Variants in CTIF observed in about 807,000 individuals in gnomAD.
CTIF encodes the protein cap binding complex dependent translation initiation factor.
Under a neutral mutation model 66.0 loss-of-function variants are expected in CTIF, and 21 were observed. The ratio of observed to expected loss-of-function variants is 0.32; its 90% confidence interval spans 0.23 to 0.46. The LOEUF (loss-of-function observed/expected upper bound fraction) is 0.46, where lower values mean the gene tolerates loss of function less well. Ranked by LOEUF, CTIF falls within the 20% of genes least tolerant of loss-of-function variation. CTIF has a pLI of 1.00. For missense variants in CTIF, 739 were observed against 812.7 expected, an observed-to-expected ratio of 0.91 and a Z score of 1.10; for synonymous variants, 345 against 326.4, an observed-to-expected ratio of 1.06 and a Z score of -0.62.
chr18:48,703,741 G>T (rs1397371829), intron 6 of CTIF, among the ~76,000 whole-genome samples: 1 of 152,172 alleles, frequency 6.6e-6, no homozygotes, highest in African/African-American at 2.4e-5. Context: ...TGGGGCAGGG[G>T]CAGCAGCCCG....
At chr18:48,795,904 C>G (rs554858060) in intron 9 of CTIF, among the ~76,000 whole-genome samples, 2 of 152,216 alleles carry the variant, frequency 1.3e-5, no homozygotes, top group East Asian at 1.9e-4. Context: ...ACCCACAGCT[C>G]TCAGCCAGGT....
chr18:48,749,663 T>A (rs111592322), intron 7 of CTIF, among the ~76,000 whole-genome samples: 1 of 152,282 alleles, frequency 6.6e-6, no homozygotes, highest in African/African-American at 2.4e-5. Context: ...AAGAACCCTA[T>A]GAGATGGGTG....
At chr18:48,773,126 C>T (rs1910333729) in intron 9 of CTIF, among the ~76,000 whole-genome samples, 1 of 152,100 alleles carries the variant, frequency 6.6e-6, no homozygotes, top group Admixed American at 6.5e-5. Context: ...TGTAGAGTTC[C>T]AGGATCAATT....
chr18:48,727,252 T>G (rs539373155), intron 7 of CTIF, among the ~76,000 whole-genome samples: 5 of 152,190 alleles, frequency 3.3e-5, no homozygotes, highest in Non-Finnish European at 7.3e-5. Context: ...GTTTCTTGAT[T>G]AGAACTCAGT....
chr18:48,730,998 GGAGAA>G (rs1159610495), intron 7 of CTIF, among the ~76,000 whole-genome samples: 10 of 152,130 alleles, frequency 6.6e-5, no homozygotes, highest in Non-Finnish European at 1.3e-4. Context: ...GGCAGTTGGG[GGAGAA>G]GAGAAAAGTG....
At chr18:48,710,988 G>A (rs902999490) in intron 6 of CTIF, among the ~76,000 whole-genome samples, 1 of 152,110 alleles carries the variant, frequency 6.6e-6, no homozygotes, top group African/African-American at 2.4e-5. Flanking sequence ...TAATAATAAT[G>A]ATGATAGTAA....
chr18:48,819,313 C>T (rs755065910), intron 10 of CTIF, among the ~76,000 whole-genome samples: 7 of 152,256 alleles, frequency 4.6e-5, no homozygotes, highest in Admixed American at 1.3e-4. Flanking sequence ...TAGGAGCGGG[C>T]CTGCGTGGCC....
intron 1 of CTIF, among the ~76,000 whole-genome samples, chr18:48,619,253 A>G (rs990582428): frequency 2.6e-5 from 4 of 152,210 alleles, no homozygotes; most frequent in Admixed American, 2.0e-4. Flanking sequence ...ATTAAGGCCT[A>G]GGTAGACACT....
chr18:48,668,183 T>G (rs2091466649), intron 5 of CTIF, among the ~76,000 whole-genome samples: 1 of 152,214 alleles, frequency 6.6e-6, no homozygotes, highest in Non-Finnish European at 1.5e-5. Flanking sequence ...CCAGGGGCGC[T>G]GAGGCGAGAA....
intron 2 of CTIF, among the ~76,000 whole-genome samples, chr18:48,625,617 A>G (rs1275804053): frequency 6.6e-6 from 1 of 152,214 alleles, no homozygotes; most frequent in African/African-American, 2.4e-5. Flanking sequence ...TATCATAGCC[A>G]GTGGATATAT....
chr18:48,769,162 A>G (rs1199623622), intron 9 of CTIF, among the ~76,000 whole-genome samples: 4 of 151,874 alleles, frequency 2.6e-5, no homozygotes, highest in Non-Finnish European at 5.9e-5. Flanking sequence ...CTGCACACCC[A>G]CCGCTGAGCC....
intron 3 of CTIF, among the ~76,000 whole-genome samples, chr18:48,640,629 G>T (rs574369208): frequency 1.3e-5 from 2 of 152,346 alleles, no homozygotes; most frequent in African/African-American, 4.8e-5. Context: ...GACTGCCCAC[G>T]TTGGCTGCAC....
intron 9 of CTIF, among the ~76,000 whole-genome samples, chr18:48,783,064 C>A (rs190885280): frequency 6.6e-6 from 1 of 152,370 alleles, no homozygotes; most frequent in Admixed American, 6.5e-5. Flanking sequence ...GGGTCCTAAC[C>A]TTTAGTGAAT....
chr18:48,654,668 T>C (rs1395856166), intron 3 of CTIF, among the ~76,000 whole-genome samples: 1 of 152,198 alleles, frequency 6.6e-6, no homozygotes, highest in East Asian at 1.9e-4. Flanking sequence ...TAAAGACACA[T>C]GCACACGTAT....
intron 2 of CTIF, among the ~76,000 whole-genome samples, chr18:48,631,222 G>C (rs1165906704): frequency 6.6e-6 from 1 of 152,146 alleles, no homozygotes; most frequent in Non-Finnish European, 1.5e-5. Flanking sequence ...CCTAGCACTT[G>C]GGAGGCCAAG....
At chr18:48,668,545 T>C (rs1271935109) in intron 5 of CTIF, among the ~76,000 whole-genome samples, 2 of 152,144 alleles carry the variant, frequency 1.3e-5, no homozygotes, top group Non-Finnish European at 2.9e-5. Context: ...CTTTTTCTTT[T>C]CCTTCATGCC....
In CTIF at chr18:48,619,686, C is replaced by T; in HGVS notation, c.121C>T (p.Leu41=). Residue 41 remains leucine, a synonymous_variant, in exon 2 of 12, where the codon CTG becomes TTG. Coordinates refer to ENST00000256413, the MANE Select transcript of CTIF (RefSeq NM_014772.3). ...YVLEYQVQGL[L]ADKTEGDGES... ...GCTGGAGTACCAGGTGCAGGGGCTG[C>T]TGGCTGACAAGACGGAGGGTGATGG... The T allele has an allele frequency of 6.2e-7, 1 of 1,608,294 alleles. No homozygotes were observed. Among genetic ancestry groups the T allele is most frequent in the Non-Finnish European group, 8.5e-7 (1 of 1,177,554 alleles).
intron 9 of CTIF, among the ~76,000 whole-genome samples, chr18:48,794,985 A>G (rs902815824): frequency 6.6e-6 from 1 of 152,132 alleles, no homozygotes; most frequent in Admixed American, 6.5e-5. Context: ...TATAGACTCC[A>G]CATTAGCTGG....
chr18:48,642,083 G>C (rs1201416265), intron 3 of CTIF, among the ~76,000 whole-genome samples: 1 of 152,176 alleles, frequency 6.6e-6, no homozygotes, highest in Non-Finnish European at 1.5e-5. Context: ...CACTTCCTTG[G>C]ATACGTAAGA....
Sources: allele counts gnomAD v4.1 joint callset (sites outside exome capture counted in the v4.1 genomes callset), GRCh38; gene constraint gnomAD v4.1.1; transcripts MANE v1.5; gene names NCBI Gene and HGNC (gene_info 2026-07-23, HGNC 2026-07-21).